The following RANBP2 variants were observed in gnomAD, a reference collection of about 807,000 sequenced individuals.
RANBP2 encodes the protein E3 SUMO-protein ligase RanBP2.
A neutral mutation model predicts 303.6 loss-of-function variants in RANBP2; 57 were observed. That is an observed-to-expected ratio of 0.19 (90% CI 0.15 to 0.23). The LOEUF (loss-of-function observed/expected upper bound fraction) is 0.23. Among genes scored for constraint, RANBP2 ranks in the 10% least tolerant of loss-of-function variants. The probability of loss-of-function intolerance (pLI) is 1.00; values close to 1 mark genes in which losing one functional copy is unlikely to be tolerated. For missense variants in RANBP2, 3,138 were observed against 3,780.8 expected, an observed-to-expected ratio of 0.83 and a Z score of 4.46; for synonymous variants, 1,167 against 1,301.5, an observed-to-expected ratio of 0.90 and a Z score of 2.23.
chr2:108,880,236 C>T, the RANBP2 span, among the ~76,000 whole-genome samples: 4 of 128,416 alleles, frequency 3.1e-5, no homozygotes, highest in Admixed American at 7.3e-5. Flanking sequence ...AAAAAAAAAA[C>T]GAGAGAAGGC....
the RANBP2 span, among the ~76,000 whole-genome samples, chr2:109,590,089 T>C: frequency 2.1e-3 from 316 of 148,448 alleles, no homozygotes; most frequent in Non-Finnish European, 3.6e-3. Context: ...TATGTATATA[T>C]ATACACACAT....
At chr2:109,198,819 C>T in the RANBP2 span, among the ~76,000 whole-genome samples, 9 of 152,348 alleles carry the variant, frequency 5.9e-5, no homozygotes, top group East Asian at 1.5e-3. Flanking sequence ...CTACGTGGCA[C>T]AGCCTGTGTT....
At chr2:108,815,052 AG>A in the RANBP2 span, among the ~76,000 whole-genome samples, 1 of 152,216 alleles carries the variant, frequency 6.6e-6, no homozygotes, top group South Asian at 2.1e-4. Flanking sequence ...AATAATACTT[AG>A]TCTAATTAAA....
chr2:109,347,761 A>G, the RANBP2 span: 27 of 1,613,872 alleles, frequency 1.7e-5, no homozygotes, highest in Non-Finnish European at 2.3e-5. Context: ...GGGGGACATC[A>G]TCGTCCTGCG....
the RANBP2 span, among the ~76,000 whole-genome samples, chr2:109,482,001 G>A: frequency 6.6e-6 from 1 of 152,234 alleles, no homozygotes; most frequent in African/African-American, 2.4e-5. Context: ...TTCTAGGGAT[G>A]CCTTCCAGTT....
the RANBP2 span, among the ~76,000 whole-genome samples, chr2:108,982,301 T>G: frequency 6.6e-6 from 1 of 152,216 alleles, no homozygotes; most frequent in Non-Finnish European, 1.5e-5. Flanking sequence ...TTTACAGAGA[T>G]GAACCCAGGG....
the RANBP2 span, chr2:109,129,091 C>CCGTGTGTCTGGA: frequency 8.1e-6 from 3 of 371,464 alleles, no homozygotes; most frequent in Admixed American, 3.6e-5. Context: ...CGGTGCGGCT[C>CCGTGTGTCTGGA]GCCAGCTGCG....
the RANBP2 span, chr2:109,616,686 A>T: frequency 5.4e-5 from 9 of 167,042 alleles, no homozygotes; most frequent in East Asian, 1.5e-3. Flanking sequence ...TTATTTTTTT[A>T]AAAGCAATTT....
the RANBP2 span, chr2:109,614,368 G>T: frequency 1.5e-5 from 12 of 813,924 alleles, no homozygotes; most frequent in Admixed American, 5.1e-4. Flanking sequence ...GGCCTCAGAC[G>T]CGTAGGCTGG....
chr2:108,942,556 C>G, the RANBP2 span, among the ~76,000 whole-genome samples: 1 of 152,254 alleles, frequency 6.6e-6, no homozygotes, highest in Non-Finnish European at 1.5e-5. Context: ...GTCTCCCTCC[C>G]GTTCTAGAAG....
chr2:109,076,336 T>G, the RANBP2 span, among the ~76,000 whole-genome samples: 1 of 150,806 alleles, frequency 6.6e-6, no homozygotes, highest in African/African-American at 2.4e-5. Context: ...AACATCATAA[T>G]AATTGAAGAA....
chr2:108,727,707 G>A (rs1465650024), intron 1 of RANBP2, among the ~76,000 whole-genome samples: 2 of 150,726 alleles, frequency 1.3e-5, no homozygotes, highest in East Asian at 2.0e-4. Flanking sequence ...GGATTCAAGC[G>A]ATTCTTTGCC....
the RANBP2 span, among the ~76,000 whole-genome samples, chr2:108,823,151 A>C: frequency 1.3e-5 from 2 of 152,206 alleles, no homozygotes; most frequent in South Asian, 2.1e-4. Flanking sequence ...ATTACAAAAA[A>C]ACCCAAACCT....
At chr2:109,109,922 C>T in the RANBP2 span, among the ~76,000 whole-genome samples, 2 of 152,044 alleles carry the variant, frequency 1.3e-5, no homozygotes, top group East Asian at 1.9e-4. Context: ...TGAGCACGCA[C>T]CCCCCACAGC....
At chr2:109,239,937 A>C in the RANBP2 span, among the ~76,000 whole-genome samples, 1 of 152,228 alleles carries the variant, frequency 6.6e-6, no homozygotes, top group Non-Finnish European at 1.5e-5. Context: ...GGTGACTGAT[A>C]GCAAAATGTG....
At chr2:109,629,640 G>A in the RANBP2 span, among the ~76,000 whole-genome samples, 4 of 151,560 alleles carry the variant, frequency 2.6e-5, no homozygotes, top group Admixed American at 6.6e-5. Context: ...GTGAAACCCC[G>A]TCTCTACTAA....
At chr2:109,030,811 C>A in the RANBP2 span, among the ~76,000 whole-genome samples, 1 of 152,144 alleles carries the variant, frequency 6.6e-6, no homozygotes, top group Admixed American at 6.5e-5. Context: ...TGGTCTTGAA[C>A]TCCTGGGCTC....
chr2:109,726,061 GTGTGT>G, the RANBP2 span, among the ~76,000 whole-genome samples: 8 of 122,734 alleles, frequency 6.5e-5, no homozygotes, highest in South Asian at 2.8e-4. Flanking sequence ...TGCTTTTGGT[GTGTGT>G]GTGTGTGTGT....
chr2:109,130,066 G>A, the RANBP2 span: 1 of 1,368,000 alleles, frequency 7.3e-7, no homozygotes. Flanking sequence ...CAGCACCGCC[G>A]GCAGTCTGCG....
Sources: gnomAD v4.1 joint callset for allele counts (sites outside exome capture counted in the v4.1 genomes callset) on GRCh38, gnomAD v4.1.1 for gene constraint, MANE v1.5 for transcripts, NCBI Gene and HGNC (gene_info 2026-07-23, HGNC 2026-07-21) for gene names.